The following FAM162B variants were observed in gnomAD, a reference collection of about 807,000 sequenced individuals.
FAM162B encodes the protein family with sequence similarity 162 member B, also known as protein FAM162B.
FAM162B carries 16 observed loss-of-function variants against 20.0 expected under a neutral mutation model. That is an observed-to-expected ratio of 0.80 (90% CI 0.54 to 1.21). The LOEUF is 1.21. Among genes scored for constraint, FAM162B ranks in the 50% most tolerant of loss-of-function variants. The pLI, the probability that FAM162B is intolerant of heterozygous loss-of-function variation, is 0.00. For synonymous variants in FAM162B, 83 were observed against 89.7 expected, an observed-to-expected ratio of 0.93 and a Z score of 0.42; for missense variants, 260 against 227.5, an observed-to-expected ratio of 1.14 and a Z score of -0.92.
intron 2 of FAM162B, 58 bp downstream of exon 2, chr6:116,765,089 C>G (rs1771881605): frequency 4.5e-6 from 7 of 1,566,462 alleles, no homozygotes; most frequent in Admixed American, 3.3e-5. Context: ...AGGTGGGTCA[C>G]CCCGCACCCT....
chr6:116,752,742 G>A lies in FAM162B; in HGVS notation c.391-47C>T, dbSNP rs1455927073. 41 of 387,582 alleles carry A rather than the reference G, an allele frequency of 1.1e-4. 1 individual carries two copies. Among genetic ancestry groups the A allele is most frequent in the African/African-American group, 7.2e-4 (18 of 24,994 alleles). 24.0% of individuals were successfully genotyped at this position (387,582 alleles called of 1,614,324 possible). A position where few individuals can be genotyped will look rare whatever the true frequency, so the allele number is the denominator to read the frequency against. On this transcript the variant is annotated intron_variant, in intron 3 of 3. Transcript: ENST00000368557. Reference sequence around the variant, plus strand: ...TATATATATATATATATAGATACACGTATATATATATATATACATATATGT... The same window carrying A: ...TATATATATATATATATAGATACACATATATATATATATATACATATATGT...
chr6:116,759,196 G>A (rs1369547704), intron 3 of FAM162B, among the ~76,000 whole-genome samples: 2 of 151,642 alleles, frequency 1.3e-5, no homozygotes, highest in Admixed American at 6.6e-5. Context: ...TTTAAAAGTT[G>A]CCTTTATATA....
intron 3 of FAM162B, among the ~76,000 whole-genome samples, chr6:116,759,482 T>C (rs1391824724): frequency 1.3e-5 from 2 of 151,722 alleles, no homozygotes; most frequent in African/African-American, 4.8e-5. Context: ...TTTGTATTTT[T>C]TTTTTTAGTA....
At chr6:116,754,010 GA>G (rs1780024444) in intron 3 of FAM162B, among the ~76,000 whole-genome samples, 1 of 152,176 alleles carries the variant, frequency 6.6e-6, no homozygotes, top group East Asian at 1.9e-4. Context: ...TTTATGGAAG[GA>G]CAATGGCTAG....
chr6:116,760,700 A>G (rs1780130637), intron 3 of FAM162B, among the ~76,000 whole-genome samples: 1 of 152,210 alleles, frequency 6.6e-6, no homozygotes, highest in Non-Finnish European at 1.5e-5. Flanking sequence ...TACATGCTTG[A>G]GTGTTCAGTC....
chr6:116,764,482 G>T (rs1355117603), intron 2 of FAM162B, among the ~76,000 whole-genome samples: 1 of 151,748 alleles, frequency 6.6e-6, no homozygotes, highest in African/African-American at 2.4e-5. Context: ...TATTTTACAG[G>T]TTACATTACC....
chr6:116,752,730 ATAT>A (rs1780006002), intron 3 of FAM162B, 35 bp from the exon 4 acceptor site: 3 of 598,132 alleles, frequency 5.0e-6, no homozygotes, highest in Non-Finnish European at 7.3e-6. Flanking sequence ...ATATATATAT[ATAT>A]AGATACACGT....
At chr6:116,754,945 T>C (rs1780036224) in intron 3 of FAM162B, among the ~76,000 whole-genome samples, 1 of 152,228 alleles carries the variant, frequency 6.6e-6, no homozygotes, top group South Asian at 2.1e-4. Context: ...CTAACTTAAT[T>C]GATAAACATT....
At position 116,765,262 on chromosome 6, in the gene FAM162B, C is replaced by T. The variant is rs776241269; in HGVS notation, c.173-7G>A. 6.2e-7 allele frequency: 1 copy of T among 1,612,864 alleles called. No homozygotes were observed. The highest frequency in any genetic ancestry group is 8.5e-7 in the Non-Finnish European group (1 of 1,179,502). ...GGGACTCGGTGAATCTCCCCTGCAG[C>T]GAAAGCAACCCAGATGGACGCGGGA... On this transcript the variant is annotated splice_polypyrimidine_tract_variant and splice_region_variant and intron_variant, in intron 1 of 3. Coordinates refer to ENST00000368557, the MANE Select transcript of FAM162B (RefSeq NM_001085480.3).
chr6:116,765,488 C>G lies in FAM162B; in HGVS notation c.89G>C (p.Arg30Pro). The G allele has an allele frequency of 7.1e-7, 1 of 1,406,728 alleles. No individual in the cohort carries two copies. The highest frequency in any genetic ancestry group is 9.2e-7 in the Non-Finnish European group (1 of 1,085,656). 87.1% of individuals were successfully genotyped at this position (1,406,728 alleles called of 1,614,324 possible). A position where few individuals can be genotyped will look rare whatever the true frequency, so the allele number is the denominator to read the frequency against. ...CCGGGGCGGAAGAGCCGGTGCGGGC[C>G]GTCGCGTGGCCTCGAGAGGCGCCCC... ...GPGAPLEATRRPAPALPPRGL... is the reference protein window; with the variant it reads ...GPGAPLEATRPPAPALPPRGL... The change falls in exon 1 of 4, where the codon CGG (arginine) becomes CCG (proline). Residue 30 changes from arginine (R) to proline (P), a missense_variant. Coordinates refer to ENST00000368557, the MANE Select transcript of FAM162B (RefSeq NM_001085480.3).
intron 3 of FAM162B, among the ~76,000 whole-genome samples, chr6:116,755,028 G>A (rs528410954): frequency 6.6e-6 from 1 of 152,080 alleles, no homozygotes; most frequent in African/African-American, 2.4e-5. Flanking sequence ...CCTATTCCTT[G>A]AGATGCAACA....
intron 3 of FAM162B, 36 bp from the exon 4 acceptor site, chr6:116,752,731 T>TATATATAG (rs1554259842): frequency 4.3e-5 from 19 of 442,398 alleles, no homozygotes; most frequent in African/African-American, 8.1e-5. Flanking sequence ...TATATATATA[T>TATATATAG]ATAGATACAC....
In FAM162B at chr6:116,765,419, C is replaced by A. The variant is rs997168970; in HGVS notation, c.158G>T (p.Gly53Val). Residue 53 changes from glycine to valine, a missense_variant, in exon 1 of 4, where the codon GGG becomes GTG. By Grantham distance (109) the Gly-to-Val change is moderately radical. Transcript: ENST00000368557. Reference protein sequence around the residue: ...YSSGGAPSNSGPQGHGEIHRV... With the variant: ...YSSGGAPSNSVPQGHGEIHRV... ...CCCTGGCTCACCGTGACCTTGGGGC[C>A]CAGAATTGCTGGGGGCCCCGCCGCT... is the stretch of plus-strand genomic sequence containing the variant. 6.9e-7 allele frequency: 1 copy of A among 1,453,508 alleles called. No homozygotes were observed. Among genetic ancestry groups the A allele is most frequent in the Middle Eastern group, 2.1e-4 (1 of 4,748 alleles). The allele number at this position is 1,453,508 out of a possible 1,614,324, so 90.0% of individuals were successfully genotyped here. A position where few individuals can be genotyped will look rare whatever the true frequency, so the allele number is the denominator to read the frequency against.
At chr6:116,760,154 T>C (rs1371840313) in intron 3 of FAM162B, among the ~76,000 whole-genome samples, 1 of 152,212 alleles carries the variant, frequency 6.6e-6, no homozygotes, top group African/African-American at 2.4e-5. Flanking sequence ...CAAAAGTATT[T>C]AGTGTATTAA....
At chr6:116,759,558 C>T (rs1488396606) in intron 3 of FAM162B, among the ~76,000 whole-genome samples, 3 of 151,926 alleles carry the variant, frequency 2.0e-5, no homozygotes, top group Non-Finnish European at 4.4e-5. Context: ...CCGCCCGCCT[C>T]GGCCTCCCAA....
chr6:116,752,755 T>TATATCTATATAC (rs71012341), intron 3 of FAM162B, 60 bp from the exon 4 acceptor site: 1 of 426,636 alleles, frequency 2.3e-6, no homozygotes, highest in East Asian at 6.8e-5. Context: ...TATATATATA[T>TATATCTATATAC]ATACATATAT....
At chr6:116,764,630 C>A (rs1012958796) in intron 2 of FAM162B, among the ~76,000 whole-genome samples, 1 of 152,090 alleles carries the variant, frequency 6.6e-6, no homozygotes, top group African/African-American at 2.4e-5. Flanking sequence ...GAAACACGTC[C>A]GCCAGGCGTC....
intron 3 of FAM162B, among the ~76,000 whole-genome samples, chr6:116,754,967 C>G (rs889438752): frequency 6.6e-5 from 10 of 152,104 alleles, no homozygotes; most frequent in African/African-American, 2.4e-4. Context: ...TATGTATTCT[C>G]CACTCCATCC....
Position 116,765,657 on chromosome 6 carries a change from C to T in FAM162B, c.-81G>A. The T allele has an allele frequency of 8.1e-7, 1 of 1,240,776 alleles. No individual in the cohort carries two copies. The allele number at this position is 1,240,776 out of a possible 1,614,324, so 76.9% of individuals were successfully genotyped here. ...TCCCCGCAGCTCTCCTCGTCCCGCC[C>T]CGGCCTGCCGCGCGCTGGAGAGCCT... On this transcript the variant is annotated 5_prime_UTR_variant, in exon 1 of 4. Coordinates refer to ENST00000368557, the MANE Select transcript of FAM162B (RefSeq NM_001085480.3).
Sources: allele counts gnomAD v4.1 joint callset (sites outside exome capture counted in the v4.1 genomes callset), GRCh38; gene constraint gnomAD v4.1.1; transcripts MANE v1.5; gene names NCBI Gene and HGNC (gene_info 2026-07-23, HGNC 2026-07-21).